Variants in HTT observed in about 807,000 individuals in gnomAD.
HTT encodes huntington disease protein.
A neutral mutation model predicts 362.3 loss-of-function variants in HTT; 104 were observed. That is an observed-to-expected ratio of 0.29 (90% CI 0.24 to 0.34). The LOEUF (loss-of-function observed/expected upper bound fraction) is 0.34. Among genes scored for constraint, HTT ranks in the 10% least tolerant of loss-of-function variants. The pLI is 1.00. For missense variants in HTT, 3,301 were observed against 3,928.6 expected, an observed-to-expected ratio of 0.84 and a Z score of 4.27; for synonymous variants, 1,577 against 1,548.7, an observed-to-expected ratio of 1.02 and a Z score of -0.43.
intron 26 of HTT, among the ~76,000 whole-genome samples, chr4:3,151,565 G>T (rs1302200454): frequency 1.3e-5 from 2 of 152,142 alleles, no homozygotes; most frequent in Non-Finnish European, 2.9e-5. Flanking sequence ...AGATTTGGGT[G>T]GGGACACAGA....
intron 57 of HTT, among the ~76,000 whole-genome samples, chr4:3,227,835 C>T (rs1201875530): frequency 6.6e-6 from 1 of 152,028 alleles, no homozygotes; most frequent in Non-Finnish European, 1.5e-5. Context: ...CACCCCTGCC[C>T]TGTCTGGGAT....
intron 40 of HTT, among the ~76,000 whole-genome samples, chr4:3,191,630 G>C (rs1719019274): frequency 6.6e-6 from 1 of 152,170 alleles, no homozygotes; most frequent in African/African-American, 2.4e-5. Context: ...GATAGAGGTG[G>C]GGAGTGGAAG....
chr4:3,093,612 G>T (rs562230447), intron 2 of HTT, among the ~76,000 whole-genome samples: 155 of 152,154 alleles, frequency 1.0e-3, no homozygotes, highest in Non-Finnish European at 1.7e-3. Flanking sequence ...GAGATGAGGG[G>T]GCTATCTTGG....
chr4:3,156,076 G>A (rs1717130642), intron 27 of HTT, among the ~76,000 whole-genome samples: 1 of 152,064 alleles, frequency 6.6e-6, no homozygotes, highest in Non-Finnish European at 1.5e-5. Flanking sequence ...TAGATCTCTT[G>A]AACTCATTCC....
Position 3,148,248 on chromosome 4 carries a change from G to A in HTT, c.3498+41G>A, listed in dbSNP as rs147061837. 4.4e-3 allele frequency: 6,163 copies of A among 1,408,786 alleles called. 104 individuals are homozygous for A. The highest frequency in any genetic ancestry group is 0.038 in the South Asian group (2,786 of 73,974). 87.3% of individuals were successfully genotyped at this position (1,408,786 alleles called of 1,614,324 possible). A position where few individuals can be genotyped will look rare whatever the true frequency, so the allele number is the denominator to read the frequency against. ...GGTGCTGGATTCATACAGCCTTAAT[G>A]ACTATGGGTTTCCAGACTACCTTTG... On this transcript the variant is annotated intron_variant, in intron 26 of 66. Coordinates refer to ENST00000355072, the MANE Select transcript of HTT (RefSeq NM_001388492.1).
chr4:3,213,654 A>G (rs1720264627), intron 49 of HTT, among the ~76,000 whole-genome samples: 1 of 152,208 alleles, frequency 6.6e-6, no homozygotes, highest in Admixed American at 6.5e-5. Flanking sequence ...AGCCCCAAGG[A>G]AGAGCCTCTG....
At chr4:3,188,090 T>C (rs1718850239) in intron 39 of HTT, 2 of 523,570 alleles carry the variant, frequency 3.8e-6, no homozygotes, top group Admixed American at 6.6e-5. Context: ...TGTCATGTTC[T>C]GTCTCTTGTC....
chr4:3,160,465 T>C, intron 29 of HTT, 73 bp downstream of exon 29: 1 of 1,044,638 alleles, frequency 9.6e-7, no homozygotes, highest in Non-Finnish European at 1.5e-6. Context: ...TGAGTTCATC[T>C]AGGATGGAGC....
intron 53 of HTT, among the ~76,000 whole-genome samples, chr4:3,220,517 G>A (rs938700469): frequency 6.6e-6 from 1 of 152,288 alleles, no homozygotes; most frequent in South Asian, 2.1e-4. Flanking sequence ...TTTGTGGCTT[G>A]AATCCCAGCT....
chr4:3,075,647 C>CCGGGGGGGGGGGGGGGGGGG (rs1560535774), intron 1 of HTT, among the ~76,000 whole-genome samples: 1 of 61,682 alleles, frequency 1.6e-5, no homozygotes, highest in Non-Finnish European at 2.9e-5. Flanking sequence ...AGTGGCGGGG[C>CCGGGGGGGGGGGGGGGGGGG]AGGGGGGGGG....
chr4:3,140,299 C>T (rs770904868), intron 21 of HTT, among the ~76,000 whole-genome samples: 3 of 151,876 alleles, frequency 2.0e-5, no homozygotes, highest in Non-Finnish European at 4.4e-5. Context: ...GTACAGCACC[C>T]AGTTATGTCC....
intron 40 of HTT, among the ~76,000 whole-genome samples, chr4:3,199,078 G>A (rs1169292228): frequency 1.3e-5 from 2 of 152,338 alleles, no homozygotes; most frequent in South Asian, 2.1e-4. Context: ...GCTGTGGCCC[G>A]AGTGCAGTGA....
Position 3,228,507 on chromosome 4 carries a change from G to A in HTT, c.7849-108G>A. ...GTGTCTGAACGACCCTTGCTAAGGG[G>A]CAGACTGTTAGACGGTAGGCATGTG... is the stretch of plus-strand genomic sequence containing the variant. On this transcript the variant is annotated intron_variant, in intron 57 of 66. Coordinates refer to ENST00000355072, the MANE Select transcript of HTT (RefSeq NM_001388492.1). The surrounding 1 kb of genome is among the most constrained non-coding windows in gnomAD (Gnocchi z 4.3). The A allele has an allele frequency of 7.8e-7, 1 of 1,289,886 alleles. No individual in the cohort carries two copies. The highest frequency in any genetic ancestry group is 1.1e-6 in the Non-Finnish European group (1 of 952,278). 79.9% of individuals were successfully genotyped at this position (1,289,886 alleles called of 1,614,324 possible).
Position 3,074,968 on chromosome 4 carries a change from C to CGCCGCCGCA in HTT, c.143_144insGCCGCCGCA (p.Pro49_Gln50insProHisPro), listed in dbSNP as rs1712426924. On this transcript the variant is annotated inframe_insertion, in exon 1 of 67. Transcript: ENST00000355072. ...CCACCGCCGCCGCCGCCGCCGCCGC[C>CGCCGCCGCA]TCCTCAGCTTCCTCAGCCGCCGCCG... 6.9e-7 allele frequency: 1 copy of CGCCGCCGCA among 1,444,830 alleles called. No homozygotes were observed. 89.5% of individuals were successfully genotyped at this position (1,444,830 alleles called of 1,614,324 possible). A position where few individuals can be genotyped will look rare whatever the true frequency, so the allele number is the denominator to read the frequency against.
At position 3,240,207 on chromosome 4, in the gene HTT, C is replaced by T. The variant is rs116198062; in HGVS notation, c.*148C>T. Reference sequence around the variant, plus strand: ...CGGCCAGGCAACGTGCGTGTCTCTGCCATGTGGCAGAAGTGCTCTTTGTGG... The same window carrying T: ...CGGCCAGGCAACGTGCGTGTCTCTGTCATGTGGCAGAAGTGCTCTTTGTGG... On this transcript the variant is annotated 3_prime_UTR_variant, in exon 67 of 67. Coordinates refer to ENST00000355072, the MANE Select transcript of HTT (RefSeq NM_001388492.1). The T allele has an allele frequency of 5.6e-3, 3,692 of 654,222 alleles. 18 individuals carry two copies. Among genetic ancestry groups the T allele is most frequent in the Middle Eastern group, 0.01 (24 of 2,382 alleles). The allele number at this position is 654,222 out of a possible 1,614,324, so 40.5% of individuals were successfully genotyped here.
intron 47 of HTT, 64 bp from the exon 48 acceptor site, chr4:3,211,865 T>C (rs1033068802): frequency 8.5e-7 from 1 of 1,180,618 alleles, no homozygotes. Flanking sequence ...TGTGTTTTTC[T>C]TACCTGATTG....
chr4:3,210,456 C>T (rs1239413316), intron 47 of HTT, among the ~76,000 whole-genome samples: 4 of 152,206 alleles, frequency 2.6e-5, no homozygotes, highest in Non-Finnish European at 5.9e-5. Context: ...CCCTTGGATG[C>T]AGCGAGATTT....
chr4:3,157,416 T>G (rs1386853983), intron 28 of HTT, among the ~76,000 whole-genome samples: 1 of 152,218 alleles, frequency 6.6e-6, no homozygotes, highest in Non-Finnish European at 1.5e-5. Flanking sequence ...ACAGCTAAGA[T>G]TGATTACAGT....
intron 8 of HTT, among the ~76,000 whole-genome samples, chr4:3,116,915 T>C (rs978075977): frequency 3.3e-5 from 5 of 152,254 alleles, no homozygotes; most frequent in Admixed American, 2.6e-4. Flanking sequence ...TAAAATGTTA[T>C]GTCAGGGTTT....
Sources: gnomAD v4.1 joint callset for allele counts (sites outside exome capture counted in the v4.1 genomes callset) on GRCh38, gnomAD v4.1.1 for gene constraint, Gnocchi (gnomAD v3.1) non-coding constraint, MANE v1.5 for transcripts, NCBI Gene and HGNC (gene_info 2026-07-23, HGNC 2026-07-21) for gene names.